Variants in ZSWIM6 observed in about 807,000 individuals in gnomAD.
ZSWIM6 encodes the protein zinc finger SWIM domain-containing protein 6.
ZSWIM6 carries 9 observed loss-of-function variants against 113.2 expected under a neutral mutation model. The ratio of observed to expected loss-of-function variants is 0.08; its 90% CI spans 0.05 to 0.14. ZSWIM6 has a LOEUF of 0.14. Among genes scored for constraint, ZSWIM6 ranks in the 10% least tolerant of loss-of-function variants. ZSWIM6 has a pLI of 1.00. For synonymous variants in ZSWIM6, 611 were observed against 606.5 expected (o/e 1.01, Z -0.11); for missense variants, 1,162 against 1,552.2 (o/e 0.75, Z 4.22).
intron 1 of ZSWIM6, among the ~76,000 whole-genome samples, chr5:61,436,459 A>G (rs1235717372): frequency 1.3e-5 from 2 of 152,130 alleles, no homozygotes; most frequent in East Asian, 1.9e-4. Context: ...CAGAACTTAT[A>G]TATCCTGCAG....
rs147807804 is a variant in ZSWIM6 at position 61,400,020 on chromosome 5, C to T, written c.676+67072C>T. On this transcript the variant is annotated intron_variant, in intron 1 of 13. Coordinates refer to ENST00000252744, the MANE Select transcript of ZSWIM6 (RefSeq NM_020928.2). ...GTTGGAAGTAGCTTTGTGCAACCTT[C>T]CTGAGGGGCATGGACGTGATCTTTG... 2.0e-3 allele frequency among the ~76,000 whole-genome samples: 312 copies of T among 152,276 alleles called. 1 individual carries two copies. The highest frequency in any genetic ancestry group is 7.1e-3 in the African/African-American group (296 of 41,568).
rs559949861 is a variant in ZSWIM6 at position 61,470,409 on chromosome 5, T to A, written c.677-2272T>A. 4.8e-4 allele frequency among the ~76,000 whole-genome samples: 73 copies of A among 152,312 alleles called. No individual in the cohort carries two copies. In the South Asian group the frequency reaches 0.013, roughly 26 times the overall value. On this transcript the variant is annotated intron_variant, in intron 1 of 13. Transcript: ENST00000252744. ...CTCTCTCTTATGCTCCCTTGGTAATTTTTTTGTCTTGATCTGTGCTGTCCC... is the reference window on the plus strand; with the variant it reads ...CTCTCTCTTATGCTCCCTTGGTAATATTTTTGTCTTGATCTGTGCTGTCCC...
chr5:61,363,955 CTCCT>C (rs370391723), intron 1 of ZSWIM6, among the ~76,000 whole-genome samples: 5,871 of 145,968 alleles, frequency 0.04, 398 homozygotes, highest in African/African-American at 0.14. Flanking sequence ...CTTTCTCTCT[CTCCT>C]TCCTTCCTTC....
chr5:61,431,372 C>CA (rs397881994), intron 1 of ZSWIM6, among the ~76,000 whole-genome samples: 3,237 of 44,544 alleles, frequency 0.073, 395 homozygotes, highest in African/African-American at 0.18. Context: ...ACTCCATCTC[C>CA]AAAAAAAAAA....
intron 1 of ZSWIM6, among the ~76,000 whole-genome samples, chr5:61,356,731 A>T (rs372788413): frequency 5.3e-5 from 7 of 131,378 alleles, no homozygotes; most frequent in Non-Finnish European, 7.9e-5. Flanking sequence ...CATAATATAT[A>T]ATATATATTA....
chr5:61,483,634 C>G (rs921547543), intron 2 of ZSWIM6, among the ~76,000 whole-genome samples: 1 of 150,428 alleles, frequency 6.6e-6, no homozygotes, highest in Admixed American at 6.6e-5. Context: ...TTTGGGAGGC[C>G]GAGGTGGGCA....
At chr5:61,459,909 T>G (rs1747288550) in intron 1 of ZSWIM6, among the ~76,000 whole-genome samples, 2 of 152,224 alleles carry the variant, frequency 1.3e-5, no homozygotes, top group African/African-American at 4.8e-5. Context: ...TAAAATATTG[T>G]AAACACTTTC....
At chr5:61,447,591 C>T (rs74419120) in intron 1 of ZSWIM6, among the ~76,000 whole-genome samples, 21,446 of 152,020 alleles carry the variant, frequency 0.14, 1,635 homozygotes, top group Non-Finnish European at 0.18. Flanking sequence ...AAGAGAGAGA[C>T]GAAAACCCAC....
chr5:61,523,068 C>T (rs1749175200), intron 5 of ZSWIM6, among the ~76,000 whole-genome samples: 1 of 152,210 alleles, frequency 6.6e-6, no homozygotes, highest in African/African-American at 2.4e-5. Context: ...GTGTTTATAT[C>T]TGTTGGACCG....
intron 1 of ZSWIM6, among the ~76,000 whole-genome samples, chr5:61,369,156 G>A (rs1399419900): frequency 2.6e-5 from 4 of 152,138 alleles, no homozygotes; most frequent in African/African-American, 9.7e-5. Context: ...TAGATTATAA[G>A]CTTCTTCCTA....
intron 1 of ZSWIM6, among the ~76,000 whole-genome samples, chr5:61,341,586 A>T (rs1440014880): frequency 6.6e-6 from 1 of 152,226 alleles, no homozygotes; most frequent in Non-Finnish European, 1.5e-5. Flanking sequence ...ACTTGCTGTT[A>T]CATGAATGTA....
At chr5:61,474,751 G>A (rs1747665895) in intron 2 of ZSWIM6, among the ~76,000 whole-genome samples, 1 of 152,084 alleles carries the variant, frequency 6.6e-6, no homozygotes, top group Non-Finnish European at 1.5e-5. Flanking sequence ...ATTTTTGATA[G>A]GCCTAGTTTT....
At chr5:61,532,609 A>G (rs1454753333) in intron 9 of ZSWIM6, among the ~76,000 whole-genome samples, 2 of 152,240 alleles carry the variant, frequency 1.3e-5, no homozygotes, top group East Asian at 3.8e-4. Context: ...TGTCCAAAGC[A>G]AAAGATCTAC....
chr5:61,354,815 T>C (rs768564428), intron 1 of ZSWIM6, among the ~76,000 whole-genome samples: 7 of 152,204 alleles, frequency 4.6e-5, no homozygotes, highest in Non-Finnish European at 8.8e-5. Context: ...TTATGACTTA[T>C]AGTCTGCCTC....
intron 1 of ZSWIM6, among the ~76,000 whole-genome samples, chr5:61,423,544 G>T (rs1030125389): frequency 2.6e-5 from 4 of 152,146 alleles, no homozygotes; most frequent in African/African-American, 9.7e-5. Flanking sequence ...TATCTTAGGT[G>T]ATCAGAAAGG....
rs374403415 is a variant in ZSWIM6, at chr5:61,526,442, A to G, written c.1837+46A>G. ...TTCCATTGGAATGGGATTCTTAGTG[A>G]TGACATTACTAGGTTTTGTGTTCTG... On this transcript the variant is annotated intron_variant, in intron 7 of 13. Coordinates refer to ENST00000252744, the MANE Select transcript of ZSWIM6 (RefSeq NM_020928.2). 590 of 1,548,314 alleles carry G rather than the reference A, an allele frequency of 3.8e-4. 1 individual carries two copies. In the African/African-American group the frequency reaches 7.4e-3, roughly 19 times the overall value.
chr5:61,543,456 G>T lies in ZSWIM6; in HGVS notation c.2787G>T (p.Gly929=), dbSNP rs1419626121. 1 of 1,547,918 alleles carries T rather than the reference G, an allele frequency of 6.5e-7. No individual in the cohort carries two copies. Among genetic ancestry groups the T allele is most frequent in the East Asian group, 2.4e-5 (1 of 40,834 alleles). The change falls in exon 14 of 14, where the codon GGG becomes GGT. Residue 929 remains glycine, a splice_region_variant and synonymous_variant. Transcript: ENST00000252744. The surrounding 1 kb of genome is among the most constrained non-coding windows in gnomAD (Gnocchi z 4.3). The part of the protein sequence containing the change: ...RWLVTCATEV[G]VYALDSIMQT... ...AGAGCCTGTTTGTGTTCCTTGCAGG[G>T]GTTTATGCCCTGGACAGCATCATGC...
At chr5:61,468,838 T>G (rs1396090315) in intron 1 of ZSWIM6, among the ~76,000 whole-genome samples, 1 of 152,228 alleles carries the variant, frequency 6.6e-6, no homozygotes, top group Non-Finnish European at 1.5e-5. Context: ...TATACAAGGC[T>G]GAAGTAGGCT....
chr5:61,536,330 T>C (rs933403275), intron 10 of ZSWIM6, among the ~76,000 whole-genome samples: 4 of 152,276 alleles, frequency 2.6e-5, no homozygotes, highest in African/African-American at 7.2e-5. Context: ...GTGAATATTT[T>C]AATGAGTTCA....
Sources: gnomAD v4.1 joint callset for allele counts (sites outside exome capture counted in the v4.1 genomes callset) on GRCh38, gnomAD v4.1.1 for gene constraint, Gnocchi (gnomAD v3.1) non-coding constraint, MANE v1.5 for transcripts, NCBI Gene and HGNC (gene_info 2026-07-23, HGNC 2026-07-21) for gene names.